The following SLC31A1 variants were observed in gnomAD, a reference collection of about 807,000 sequenced individuals.
SLC31A1 encodes high affinity copper uptake protein 1.
Under a neutral mutation model 17.2 loss-of-function variants are expected in SLC31A1, and 5 were observed. The ratio of observed to expected loss-of-function variants is 0.29; its 90% CI spans 0.15 to 0.61. The LOEUF is 0.61. Ranked by LOEUF, SLC31A1 falls within the 20% of genes least tolerant of loss-of-function variation. The probability of loss-of-function intolerance (pLI) is 0.86; values close to 1 mark genes in which losing one functional copy is unlikely to be tolerated. For synonymous variants in SLC31A1, 76 were observed against 78.8 expected, an observed-to-expected ratio of 0.96 and a Z score of 0.19; for missense variants, 161 against 241.4, an observed-to-expected ratio of 0.67 and a Z score of 2.21.
chr9:113,234,814 T>C (rs1474031540), intron 1 of SLC31A1, among the ~76,000 whole-genome samples: 1 of 152,216 alleles, frequency 6.6e-6, no homozygotes, highest in African/African-American at 2.4e-5. Flanking sequence ...TTACTATATA[T>C]GTTATTAACA....
chr9:113,229,712 C>G (rs889865109), intron 1 of SLC31A1, among the ~76,000 whole-genome samples: 10 of 152,150 alleles, frequency 6.6e-5, no homozygotes, highest in Middle Eastern at 3.2e-3. Context: ...GATGACTGTT[C>G]TAGTTTTGAT....
At chr9:113,245,270 T>C (rs1380329213) in intron 1 of SLC31A1, among the ~76,000 whole-genome samples, 2 of 152,218 alleles carry the variant, frequency 1.3e-5, no homozygotes. Context: ...TTTTTCTTAG[T>C]AGAGACAAGG....
rs1414382820 is a variant in SLC31A1 at position 113,221,614 on chromosome 9, C to T, written c.-100C>T. 1.3e-5 allele frequency: 5 copies of T among 384,364 alleles called. No homozygotes were observed. Among genetic ancestry groups the T allele is most frequent in the African/African-American group, 2.1e-5 (1 of 48,254 alleles). 23.8% of individuals were successfully genotyped at this position (384,364 alleles called of 1,614,324 possible). A position where few individuals can be genotyped will look rare whatever the true frequency, so the allele number is the denominator to read the frequency against. ...GAAGTGGAGGGGCCGTTCGAAGAGTCGTGAGGGGGTGACGGGTTAAGATTC... is the reference window on the plus strand; with the variant it reads ...GAAGTGGAGGGGCCGTTCGAAGAGTTGTGAGGGGGTGACGGGTTAAGATTC... On this transcript the variant is annotated 5_prime_UTR_variant, in exon 1 of 5. Transcript: ENST00000374212.
At chr9:113,251,939 G>C (rs773479004) in intron 1 of SLC31A1, among the ~76,000 whole-genome samples, 1 of 152,152 alleles carries the variant, frequency 6.6e-6, no homozygotes, top group Non-Finnish European at 1.5e-5. Flanking sequence ...CCTTGCATAG[G>C]ATTCCATTAC....
At chr9:113,222,960 A>T (rs928134492) in intron 1 of SLC31A1, among the ~76,000 whole-genome samples, 1 of 152,134 alleles carries the variant, frequency 6.6e-6, no homozygotes, top group Admixed American at 6.5e-5. Flanking sequence ...TACATTATCT[A>T]TGGTATTTTT....
chr9:113,256,683 A>C, intron 2 of SLC31A1: 1 of 281,376 alleles, frequency 3.6e-6, no homozygotes, highest in Non-Finnish European at 6.9e-6. Flanking sequence ...AACACGGTGA[A>C]ACCCCATCTC....
In SLC31A1 at chr9:113,262,979, G is replaced by A. The variant is rs1232018751; in HGVS notation, c.*2506G>A. ...GTTCGAGACCAGCCTGGACAACATA[G>A]TGAGATCCTATCTCTATAAAAAATC... On this transcript the variant is annotated 3_prime_UTR_variant, in exon 5 of 5. Coordinates refer to ENST00000374212, the MANE Select transcript of SLC31A1 (RefSeq NM_001859.4). 1 of 152,350 alleles carries A rather than the reference G, an allele frequency of 6.6e-6. No individual in the cohort carries two copies. Among genetic ancestry groups the A allele is most frequent in the African/African-American group, 2.4e-5 (1 of 41,466 alleles). The allele number at this position is 152,350 out of a possible 1,614,324, so 9.4% of individuals were successfully genotyped here. A position where few individuals can be genotyped will look rare whatever the true frequency, so the allele number is the denominator to read the frequency against.
intron 1 of SLC31A1, among the ~76,000 whole-genome samples, chr9:113,246,096 G>A (rs181832310): frequency 1.1e-4 from 16 of 152,098 alleles, no homozygotes; most frequent in East Asian, 3.9e-4. Context: ...TGTCACCCAC[G>A]CTGGAGTGCA....
intron 1 of SLC31A1, among the ~76,000 whole-genome samples, chr9:113,247,243 A>G (rs1321855086): frequency 6.6e-6 from 1 of 152,192 alleles, no homozygotes; most frequent in East Asian, 1.9e-4. Flanking sequence ...TCACAAATCT[A>G]AAAAGGAATA....
chr9:113,257,478 A>ATTTTTTTTT (rs532189321), intron 3 of SLC31A1, among the ~76,000 whole-genome samples: 2 of 101,178 alleles, frequency 2.0e-5, no homozygotes, highest in African/African-American at 4.1e-5. Flanking sequence ...AGAGTGTTTA[A>ATTTTTTTTT]TTTTTTTTTT....
At chr9:113,224,137 G>A (rs556803153) in intron 1 of SLC31A1, among the ~76,000 whole-genome samples, 4 of 152,108 alleles carry the variant, frequency 2.6e-5, no homozygotes, top group South Asian at 2.1e-4. Flanking sequence ...ATTTGTTTAT[G>A]TATTGTCTAT....
chr9:113,227,641 A>AT (rs1374125829), intron 1 of SLC31A1: 4 of 152,200 alleles, frequency 2.6e-5, no homozygotes, highest in African/African-American at 9.7e-5. Flanking sequence ...TTCCTACTGA[A>AT]TAAAAAAAAG....
intron 1 of SLC31A1, among the ~76,000 whole-genome samples, chr9:113,250,579 G>A (rs1013914610): frequency 6.7e-6 from 1 of 149,838 alleles, no homozygotes; most frequent in Non-Finnish European, 1.5e-5. Context: ...CCTAATGCTA[G>A]ATGACAAGTT....
chr9:113,224,521 C>T (rs779119159), intron 1 of SLC31A1, among the ~76,000 whole-genome samples: 3 of 152,126 alleles, frequency 2.0e-5, no homozygotes, highest in African/African-American at 4.8e-5. Flanking sequence ...CTCCACCTCC[C>T]GGGTTCAAGC....
chr9:113,230,824 C>T (rs900507679), intron 1 of SLC31A1, among the ~76,000 whole-genome samples: 4 of 152,088 alleles, frequency 2.6e-5, no homozygotes, highest in African/African-American at 9.7e-5. Context: ...TGTATCAGCC[C>T]CTCATGCTTT....
intron 1 of SLC31A1, among the ~76,000 whole-genome samples, chr9:113,248,986 G>A (rs1286729570): frequency 6.6e-6 from 1 of 152,086 alleles, no homozygotes; most frequent in Non-Finnish European, 1.5e-5. Context: ...CATTTATCAG[G>A]TACTTTGGTA....
chr9:113,250,749 T>C (rs1340291280), intron 1 of SLC31A1, among the ~76,000 whole-genome samples: 1 of 151,978 alleles, frequency 6.6e-6, no homozygotes, highest in Non-Finnish European at 1.5e-5. Flanking sequence ...GTTCTGTCCC[T>C]GAGTTATATA....
At chr9:113,252,925 C>T (rs1177226054) in intron 1 of SLC31A1, among the ~76,000 whole-genome samples, 1 of 149,926 alleles carries the variant, frequency 6.7e-6, no homozygotes, top group Admixed American at 6.6e-5. Context: ...GTCTTCCTGG[C>T]TAGCGAAAGT....
intron 1 of SLC31A1, among the ~76,000 whole-genome samples, chr9:113,240,426 A>G (rs1025266504): frequency 2.0e-5 from 3 of 152,192 alleles, no homozygotes; most frequent in Non-Finnish European, 4.4e-5. Context: ...CTTGCGCTCA[A>G]GAAGCTTGCT....
Sources: gnomAD v4.1 joint callset for allele counts (sites outside exome capture counted in the v4.1 genomes callset) on GRCh38, gnomAD v4.1.1 for gene constraint, MANE v1.5 for transcripts, NCBI Gene and HGNC (gene_info 2026-07-23, HGNC 2026-07-21) for gene names.